SMURF2: variants seen among roughly 807,000 people sequenced by gnomAD.
SMURF2 encodes the protein SMAD specific E3 ubiquitin protein ligase 2.
In SMURF2, 48 loss-of-function variants were observed where a neutral mutation model predicts 109.6. The ratio of observed to expected loss-of-function variants is 0.44; its 90% CI spans 0.35 to 0.56. SMURF2 has a LOEUF of 0.56. Among genes scored for constraint, SMURF2 ranks in the 20% least tolerant of loss-of-function variants. The probability of loss-of-function intolerance (pLI) is 0.01; values close to 1 mark genes in which losing one functional copy is unlikely to be tolerated. For missense variants in SMURF2, 575 were observed against 909.0 expected (o/e 0.63, Z 4.72); for synonymous variants, 288 against 317.1 (o/e 0.91, Z 0.97).
Position 64,598,409 on chromosome 17 carries a change from T to C in SMURF2, c.173A>G (p.Asp58Gly). 6.2e-7 allele frequency: 1 copy of C among 1,606,872 alleles called. No homozygotes were observed. Among genetic ancestry groups the C allele is most frequent in the Non-Finnish European group, 8.5e-7 (1 of 1,177,598 alleles). Residue 58 changes from aspartate (D) to glycine (G), a missense_variant, in exon 3 of 19, where the codon GAT becomes GGT. Coordinates refer to ENST00000262435, the MANE Select transcript of SMURF2 (RefSeq NM_022739.4). ...GTCATAATGCTGATTCCACTTTGGATCAAGCGTATTCTTCACAGTATCTGT... is the reference window on the plus strand; with the variant it reads ...GTCATAATGCTGATTCCACTTTGGACCAAGCGTATTCTTCACAGTATCTGT... Reference protein sequence around the residue: ...HSTDTVKNTLDPKWNQHYDLY... With the variant: ...HSTDTVKNTLGPKWNQHYDLY...
At chr17:64,637,915 G>A (rs777090548) in intron 1 of SMURF2, among the ~76,000 whole-genome samples, 1 of 100,672 alleles carries the variant, frequency 9.9e-6, no homozygotes, top group Non-Finnish European at 1.8e-5. Context: ...TGGTTTTGGC[G>A]CCCTAGTCAA....
chr17:64,639,555 C>T (rs768266495), intron 1 of SMURF2, among the ~76,000 whole-genome samples: 3 of 151,622 alleles, frequency 2.0e-5, no homozygotes, highest in East Asian at 1.9e-4. Flanking sequence ...CCAGTCTGGG[C>T]GACAGAGCGA....
At chr17:64,637,051 C>T (rs2144716780) in intron 1 of SMURF2, among the ~76,000 whole-genome samples, 1 of 151,862 alleles carries the variant, frequency 6.6e-6, no homozygotes, top group East Asian at 1.9e-4. Flanking sequence ...GAGACCTCAT[C>T]TTTACAAAAA....
chr17:64,598,921 G>A (rs1969854246), intron 2 of SMURF2, among the ~76,000 whole-genome samples: 1 of 152,086 alleles, frequency 6.6e-6, no homozygotes, highest in Non-Finnish European at 1.5e-5. Context: ...AGGCTACAGA[G>A]AAATCAAATT....
intron 1 of SMURF2, among the ~76,000 whole-genome samples, chr17:64,637,128 G>C (rs1970427605): frequency 6.8e-6 from 1 of 147,200 alleles, no homozygotes; most frequent in South Asian, 2.1e-4. Flanking sequence ...CTATCTAAGA[G>C]ATTTTTTTTT....
intron 12 of SMURF2, among the ~76,000 whole-genome samples, chr17:64,559,671 G>A (rs975676469): frequency 3.3e-5 from 5 of 151,700 alleles, no homozygotes; most frequent in African/African-American, 7.3e-5. Context: ...TTAGGGAGGC[G>A]GAGGCTGGAG....
At chr17:64,643,684 TA>T (rs1281596587) in intron 1 of SMURF2, among the ~76,000 whole-genome samples, 2 of 152,222 alleles carry the variant, frequency 1.3e-5, no homozygotes, top group Non-Finnish European at 2.9e-5. Flanking sequence ...CATACCATTG[TA>T]AATACCTGCT....
chr17:64,593,238 G>C, intron 4 of SMURF2: 1 of 283,422 alleles, frequency 3.5e-6, no homozygotes, highest in Non-Finnish European at 6.1e-6. Context: ...AATAAATTTA[G>C]ATCAGGAATT....
chr17:64,553,336 C>T (rs1441949751), intron 15 of SMURF2, among the ~76,000 whole-genome samples: 1 of 151,940 alleles, frequency 6.6e-6, no homozygotes, highest in Non-Finnish European at 1.5e-5. Flanking sequence ...GAAACCCCAT[C>T]TCTGCTAATA....
At chr17:64,600,682 T>A (rs1283933676) in intron 2 of SMURF2, among the ~76,000 whole-genome samples, 1 of 152,222 alleles carries the variant, frequency 6.6e-6, no homozygotes, top group African/African-American at 2.4e-5. Context: ...GTGCTATGCA[T>A]AGTATTTCAG....
At chr17:64,556,938 C>A (rs1433051377) in intron 13 of SMURF2, among the ~76,000 whole-genome samples, 1 of 152,088 alleles carries the variant, frequency 6.6e-6, no homozygotes, top group Non-Finnish European at 1.5e-5. Context: ...TATTTGATAA[C>A]CTTCGTTTCA....
intron 10 of SMURF2, 53 bp from the exon 11 acceptor site, chr17:64,563,019 C>A: frequency 6.9e-7 from 1 of 1,440,582 alleles, no homozygotes; most frequent in Non-Finnish European, 9.4e-7. Flanking sequence ...TTAAAAATTG[C>A]AATTATAGAT....
chr17:64,580,728 A>G, intron 8 of SMURF2, 61 bp downstream of exon 8: 1 of 1,485,574 alleles, frequency 6.7e-7, no homozygotes, highest in Non-Finnish European at 9.3e-7. Context: ...ATATTTTCTG[A>G]CTTCCTCAGC....
chr17:64,566,181 CTGATA>C (rs1969298041), intron 10 of SMURF2, among the ~76,000 whole-genome samples: 2 of 150,554 alleles, frequency 1.3e-5, no homozygotes, highest in South Asian at 4.1e-4. Context: ...CCGACATATC[CTGATA>C]TGTAAAGATT....
chr17:64,576,282 T>C (rs1969488818), intron 9 of SMURF2, among the ~76,000 whole-genome samples: 1 of 152,098 alleles, frequency 6.6e-6, no homozygotes, highest in Non-Finnish European at 1.5e-5. Flanking sequence ...TATTTGTGTG[T>C]CATTTCATCT....
chr17:64,579,416 A>G (rs1273374202), intron 8 of SMURF2, among the ~76,000 whole-genome samples: 2 of 152,220 alleles, frequency 1.3e-5, no homozygotes, highest in Non-Finnish European at 2.9e-5. Context: ...TATAATGTCA[A>G]TAAATTTAAA....
chr17:64,619,794 T>C (rs1444043969), intron 1 of SMURF2, among the ~76,000 whole-genome samples: 1 of 152,060 alleles, frequency 6.6e-6, no homozygotes, highest in Non-Finnish European at 1.5e-5. Context: ...ACCTCCCAAA[T>C]GCATCACCTT....
At chr17:64,575,442 C>T (rs781886397) in intron 9 of SMURF2, among the ~76,000 whole-genome samples, 4 of 151,812 alleles carry the variant, frequency 2.6e-5, no homozygotes, top group African/African-American at 7.3e-5. Context: ...TGTGAGCCAC[C>T]GAGCCCGGCC....
At chr17:64,565,476 TC>T (rs1969287004) in intron 10 of SMURF2, among the ~76,000 whole-genome samples, 1 of 152,062 alleles carries the variant, frequency 6.6e-6, no homozygotes, top group Non-Finnish European at 1.5e-5. Context: ...CAAATTGTAA[TC>T]CCCTTGCCCA....
Sources: gnomAD v4.1 joint callset for allele counts (sites outside exome capture counted in the v4.1 genomes callset) on GRCh38, gnomAD v4.1.1 for gene constraint, MANE v1.5 for transcripts, NCBI Gene and HGNC (gene_info 2026-07-23, HGNC 2026-07-21) for gene names.